Variants in CSMD1 observed in about 807,000 individuals in gnomAD.
The protein encoded by CSMD1 is CUB and Sushi multiple domains 1.
In CSMD1, 213 loss-of-function variants were observed where a neutral mutation model predicts 417.5. That is an observed-to-expected ratio of 0.51 (90% CI 0.46 to 0.57). CSMD1 has a LOEUF of 0.57. Among genes scored for constraint, CSMD1 ranks in the 20% least tolerant of loss-of-function variants. The pLI is 0.00. For synonymous variants in CSMD1, 2,862 were observed against 1,736.8 expected, an observed-to-expected ratio of 1.65 and a Z score of -16.11; for missense variants, 6,923 against 4,529.7, an observed-to-expected ratio of 1.53 and a Z score of -15.17.
At chr8:3,190,619 G>C (rs147457796) in intron 33 of CSMD1, among the ~76,000 whole-genome samples, 22 of 152,216 alleles carry the variant, frequency 1.4e-4, no homozygotes, top group African/African-American at 5.3e-4. Flanking sequence ...ATCAGATCCA[G>C]CAATCCCACT....
At chr8:3,454,680 C>A (rs1815987699) in intron 12 of CSMD1, among the ~76,000 whole-genome samples, 1 of 152,208 alleles carries the variant, frequency 6.6e-6, no homozygotes, top group African/African-American at 2.4e-5. Context: ...GCGGAGAGAT[C>A]AGCTGTTAGT....
At chr8:4,375,226 G>C (rs1442427232) in intron 3 of CSMD1, among the ~76,000 whole-genome samples, 1 of 152,088 alleles carries the variant, frequency 6.6e-6, no homozygotes, top group South Asian at 2.1e-4. Flanking sequence ...AGATAGTTTG[G>C]ATGGTCTTAG....
chr8:3,696,355 G>A (rs1307090249), intron 7 of CSMD1, among the ~76,000 whole-genome samples: 1 of 152,092 alleles, frequency 6.6e-6, no homozygotes, highest in Non-Finnish European at 1.5e-5. Flanking sequence ...GTTCACCTTG[G>A]CTTATCTCTT....
intron 54 of CSMD1, among the ~76,000 whole-genome samples, chr8:2,993,627 G>A (rs930288600): frequency 2.0e-5 from 3 of 152,128 alleles, no homozygotes; most frequent in Non-Finnish European, 2.9e-5. Flanking sequence ...AATGAAGGAA[G>A]CACTCAAAGG....
chr8:4,711,329 T>G (rs1389105228), intron 1 of CSMD1, among the ~76,000 whole-genome samples: 1 of 152,164 alleles, frequency 6.6e-6, no homozygotes, highest in Non-Finnish European at 1.5e-5. Flanking sequence ...AAATTAAACC[T>G]TTGTTTTGAC....
At chr8:4,587,414 TATGTAC>T (rs1318317845) in intron 2 of CSMD1, among the ~76,000 whole-genome samples, 1 of 76,530 alleles carries the variant, frequency 1.3e-5, no homozygotes, top group Admixed American at 1.2e-4. Context: ...TATATATGTA[TATGTAC>T]ATGTATATGT....
chr8:3,697,993 C>G (rs935526315), intron 7 of CSMD1, among the ~76,000 whole-genome samples: 3 of 152,088 alleles, frequency 2.0e-5, no homozygotes, highest in Non-Finnish European at 4.4e-5. Context: ...TCAATTTAAC[C>G]ACCTGTAATC....
chr8:4,071,929 G>T (rs1253642796), intron 3 of CSMD1, among the ~76,000 whole-genome samples: 4 of 152,116 alleles, frequency 2.6e-5, no homozygotes, highest in Non-Finnish European at 5.9e-5. Flanking sequence ...CAAAGTCTGG[G>T]CAGAACCTGC....
intron 7 of CSMD1, among the ~76,000 whole-genome samples, chr8:3,690,264 A>T (rs1800167835): frequency 6.6e-6 from 1 of 152,190 alleles, no homozygotes; most frequent in Non-Finnish European, 1.5e-5. Flanking sequence ...GAGGAGGCTG[A>T]GTCAGAAGGA....
rs572629865 is a variant in CSMD1, at chr8:4,438,352, C to T, written c.303-18287G>A. ...TCTCCAGTCTCTGAACTCTGTCCTG[C>T]ATCACCCCTTTCTCACTGGAGCATG... On this transcript the variant is annotated intron_variant, in intron 2 of 69. Transcript: ENST00000635120. Among the ~76,000 whole-genome samples the T allele has an allele frequency of 2.0e-5, 3 of 152,286 alleles. 1 individual carries two copies. Among genetic ancestry groups the T allele is most frequent in the African/African-American group, 7.2e-5 (3 of 41,558 alleles).
intron 10 of CSMD1, among the ~76,000 whole-genome samples, chr8:3,500,660 G>C (rs1210308917): frequency 6.6e-6 from 1 of 152,172 alleles, no homozygotes; most frequent in Non-Finnish European, 1.5e-5. Context: ...TCTTAAGGAG[G>C]AGGGAGTGAT....
At chr8:4,356,365 C>G (rs1001561517) in intron 3 of CSMD1, among the ~76,000 whole-genome samples, 1 of 151,050 alleles carries the variant, frequency 6.6e-6, no homozygotes, top group Non-Finnish European at 1.5e-5. Flanking sequence ...TCTTTATCCA[C>G]TTGTTGATTT....
intron 3 of CSMD1, among the ~76,000 whole-genome samples, chr8:4,099,971 T>G (rs1801220995): frequency 6.6e-6 from 1 of 152,178 alleles, no homozygotes; most frequent in African/African-American, 2.4e-5. Flanking sequence ...TTTTACTTCC[T>G]AATACAGTTG....
intron 5 of CSMD1, among the ~76,000 whole-genome samples, chr8:3,837,825 A>G (rs544985385): frequency 6.6e-6 from 1 of 152,238 alleles, no homozygotes; most frequent in Admixed American, 6.5e-5. Context: ...TTCCCTCTCT[A>G]TAGTCGCAGG....
At chr8:3,866,202 A>G (rs1258088136) in intron 5 of CSMD1, among the ~76,000 whole-genome samples, 1 of 152,226 alleles carries the variant, frequency 6.6e-6, no homozygotes, top group Non-Finnish European at 1.5e-5. Context: ...AAATGAGTAA[A>G]GCATTATTCC....
At chr8:4,710,605 G>C (rs1019038564) in intron 1 of CSMD1, among the ~76,000 whole-genome samples, 1 of 151,122 alleles carries the variant, frequency 6.6e-6, no homozygotes, top group Non-Finnish European at 1.5e-5. Flanking sequence ...CAGCACTTTG[G>C]GAGACTCAGA....
chr8:3,663,344 G>A (rs572184028), intron 7 of CSMD1, among the ~76,000 whole-genome samples: 1 of 152,280 alleles, frequency 6.6e-6, no homozygotes, highest in South Asian at 2.1e-4. Context: ...GTTCTGTTTG[G>A]AACATGGCAA....
intron 5 of CSMD1, among the ~76,000 whole-genome samples, chr8:3,764,930 G>C (rs1255368347): frequency 6.6e-6 from 1 of 151,768 alleles, no homozygotes; most frequent in African/African-American, 2.4e-5. Context: ...ATTTTTAGTA[G>C]AGACAGGGTT....
At position 3,291,611 on chromosome 8, in the gene CSMD1, C is replaced by T. The variant is rs1803571236; in HGVS notation, c.3951-7265G>A. On this transcript the variant is annotated intron_variant, in intron 25 of 69. Coordinates refer to ENST00000635120, the MANE Select transcript of CSMD1 (RefSeq NM_033225.6). ...TTTTCTAGATATTCTAGTTTATTTG[C>T]ATAGAGGTGTTTATAGTATTCTCTG... is the stretch of plus-strand genomic sequence containing the variant. Among the ~76,000 whole-genome samples the T allele has an allele frequency of 2.0e-5, 3 of 152,130 alleles. No homozygotes were observed. In the South Asian group the frequency reaches 6.2e-4, roughly 31 times the overall value.
Sources: allele counts gnomAD v4.1 joint callset (sites outside exome capture counted in the v4.1 genomes callset), GRCh38; gene constraint gnomAD v4.1.1; transcripts MANE v1.5; gene names NCBI Gene and HGNC (gene_info 2026-07-23, HGNC 2026-07-21).